Variants in ARL15 observed in about 807,000 individuals in gnomAD.
The protein encoded by ARL15 is ARF like GTPase 15, also known as ADP-ribosylation factor-like protein 15.
A neutral mutation model predicts 25.2 loss-of-function variants in ARL15; 19 were observed. The observed-to-expected ratio is 0.75, with a 90% CI of 0.53 to 1.10. ARL15 has a LOEUF of 1.10. Ranked by LOEUF, ARL15 falls within the 50% of genes least tolerant of loss-of-function variation. ARL15 has a pLI of 0.00. For missense variants in ARL15, 220 were observed against 246.0 expected (o/e 0.89, Z 0.71); for synonymous variants, 94 against 86.8 (o/e 1.08, Z -0.46).
intron 3 of ARL15, among the ~76,000 whole-genome samples, chr5:54,127,338 A>C (rs1418906667): frequency 1.8e-4 from 27 of 152,206 alleles, no homozygotes. Flanking sequence ...TACAAAACCA[A>C]TACGCAAAAA....
rs981946291 is a variant in ARL15, at chr5:54,101,173, G to T, written c.462+12029C>A. Reference sequence around the variant, plus strand: ...AGTTGTTATTCTAAAAATAATTGTGGTGAAAGTAAACCCACAAATTACAGC... The same window carrying T: ...AGTTGTTATTCTAAAAATAATTGTGTTGAAAGTAAACCCACAAATTACAGC... On this transcript the variant is annotated intron_variant, in intron 4 of 4. Coordinates refer to ENST00000504924, the MANE Select transcript of ARL15 (RefSeq NM_019087.3). Among the ~76,000 whole-genome samples the T allele has an allele frequency of 1.3e-4, 19 of 151,880 alleles. 1 individual carries two copies. Among genetic ancestry groups the T allele is most frequent in the African/African-American group, 4.6e-4 (19 of 41,358 alleles).
At chr5:54,078,812 C>T (rs1561215422) in intron 4 of ARL15, among the ~76,000 whole-genome samples, 3 of 151,952 alleles carry the variant, frequency 2.0e-5, no homozygotes, top group Non-Finnish European at 4.4e-5. Context: ...CCTACTAAAC[C>T]TTGATAGCAT....
chr5:54,235,799 C>A (rs1756788680), intron 1 of ARL15, among the ~76,000 whole-genome samples: 1 of 152,148 alleles, frequency 6.6e-6, no homozygotes. Context: ...TTTGTTATTT[C>A]TGGCAAGGAA....
chr5:53,920,135 T>C (rs936240226), intron 4 of ARL15, among the ~76,000 whole-genome samples: 2 of 152,226 alleles, frequency 1.3e-5, no homozygotes, highest in African/African-American at 4.8e-5. Flanking sequence ...AGTCTCATGC[T>C]AAAGCCCTGA....
chr5:54,116,863 T>C (rs775923180), intron 3 of ARL15, among the ~76,000 whole-genome samples: 1 of 152,108 alleles, frequency 6.6e-6, no homozygotes, highest in Non-Finnish European at 1.5e-5. Context: ...ATAGAGATCA[T>C]GGACTAAAAA....
intron 1 of ARL15, among the ~76,000 whole-genome samples, chr5:54,296,611 T>TA (rs1758471143): frequency 6.6e-6 from 1 of 152,246 alleles, no homozygotes; most frequent in Admixed American, 6.5e-5. Context: ...CTCTGTCCTA[T>TA]AACACAGACA....
At chr5:53,887,655 G>T (rs1361845682) in intron 4 of ARL15, among the ~76,000 whole-genome samples, 1 of 152,230 alleles carries the variant, frequency 6.6e-6, no homozygotes, top group South Asian at 2.1e-4. Context: ...TATATTTATT[G>T]CCCAACAAAG....
At chr5:54,002,553 C>T (rs1748881225) in intron 4 of ARL15, among the ~76,000 whole-genome samples, 1 of 152,124 alleles carries the variant, frequency 6.6e-6, no homozygotes, top group South Asian at 2.1e-4. Flanking sequence ...GTAATCAAGA[C>T]AGAGAGAGCA....
chr5:53,926,040 A>T (rs2112033769), intron 4 of ARL15, among the ~76,000 whole-genome samples: 1 of 148,068 alleles, frequency 6.8e-6, no homozygotes, highest in East Asian at 2.0e-4. Flanking sequence ...CACTGAAATA[A>T]AGACATTTTA....
intron 4 of ARL15, among the ~76,000 whole-genome samples, chr5:53,901,816 AAC>A (rs1045051528): frequency 1.5e-4 from 23 of 152,232 alleles, no homozygotes; most frequent in African/African-American, 5.5e-4. Context: ...GAAATGTTTC[AAC>A]ACAGTTGGAT....
intron 4 of ARL15, among the ~76,000 whole-genome samples, chr5:54,072,097 C>T (rs1365523892): frequency 6.6e-6 from 1 of 152,010 alleles, no homozygotes; most frequent in Non-Finnish European, 1.5e-5. Context: ...TTATTGTTTT[C>T]AGGACATTTG....
chr5:54,197,436 A>C (rs1272072243), intron 1 of ARL15, among the ~76,000 whole-genome samples: 3 of 152,072 alleles, frequency 2.0e-5, no homozygotes, highest in African/African-American at 7.2e-5. Context: ...GATAATTAAA[A>C]CTAATCCTTT....
At chr5:54,186,682 A>G (rs1185409737) in intron 1 of ARL15, among the ~76,000 whole-genome samples, 16 of 151,992 alleles carry the variant, frequency 1.1e-4, no homozygotes, top group Admixed American at 1.0e-3. Context: ...TCCTTTTAGT[A>G]TTTGCTTTAT....
At chr5:53,919,103 A>C (rs2112009574) in intron 4 of ARL15, among the ~76,000 whole-genome samples, 1 of 152,286 alleles carries the variant, frequency 6.6e-6, no homozygotes, top group Middle Eastern at 3.4e-3. Flanking sequence ...ACACCTCCCT[A>C]TCAAGGCTTT....
chr5:54,202,434 C>A (rs930877945), intron 1 of ARL15, among the ~76,000 whole-genome samples: 8 of 152,214 alleles, frequency 5.3e-5, no homozygotes, highest in African/African-American at 1.9e-4. Context: ...GTAAGAAAGA[C>A]TGACTAATCA....
At chr5:54,172,001 G>T in intron 1 of ARL15, 73 bp from the exon 2 acceptor site, 1 of 1,532,686 alleles carries the variant, frequency 6.5e-7, no homozygotes, top group South Asian at 1.2e-5. Context: ...CATTTAAAAT[G>T]ACTGAGTAAG....
At chr5:53,935,507 A>T (rs1187887351) in intron 4 of ARL15, among the ~76,000 whole-genome samples, 2 of 152,316 alleles carry the variant, frequency 1.3e-5, no homozygotes, top group East Asian at 3.9e-4. Flanking sequence ...CCCTACAGAG[A>T]GGCAACTGGA....
intron 1 of ARL15, among the ~76,000 whole-genome samples, chr5:54,281,706 T>C (rs1758066900): frequency 6.6e-6 from 1 of 152,182 alleles, no homozygotes. Context: ...AATATGAATT[T>C]TTGCTTTTAT....
chr5:54,272,107 CTTTTTTTTTTT>C (rs34592464), intron 1 of ARL15, among the ~76,000 whole-genome samples: 412 of 36,796 alleles, frequency 0.011, 3 homozygotes, highest in African/African-American at 0.033. Flanking sequence ...CCACTCCTGG[CTTTTTTTTTTT>C]TTTTTTTTTT....
Sources: allele counts gnomAD v4.1 joint callset (sites outside exome capture counted in the v4.1 genomes callset), GRCh38; gene constraint gnomAD v4.1.1; transcripts MANE v1.5; gene names NCBI Gene and HGNC (gene_info 2026-07-23, HGNC 2026-07-21).